The following ACTN1 variants were observed in gnomAD, a reference collection of about 807,000 sequenced individuals.
ACTN1 encodes the protein alpha-actinin-1.
A neutral mutation model predicts 119.6 loss-of-function variants in ACTN1; 30 were observed. The ratio of observed to expected loss-of-function variants is 0.25; its 90% CI spans 0.19 to 0.34. The LOEUF is 0.34. ACTN1 is among the 10% of genes least tolerant of loss of function. The pLI is 1.00. For missense variants in ACTN1, 764 were observed against 1,223.4 expected (o/e 0.62, Z 5.60); for synonymous variants, 429 against 472.6 (o/e 0.91, Z 1.20).
At chr14:68,943,538 C>T (rs72733540) in intron 1 of ACTN1, among the ~76,000 whole-genome samples, 2 of 152,090 alleles carry the variant, frequency 1.3e-5, no homozygotes, top group Non-Finnish European at 2.9e-5. Context: ...CCCCCTCCCC[C>T]CAACCTTGAA....
At chr14:68,956,180 A>C (rs2036345927) in intron 1 of ACTN1, among the ~76,000 whole-genome samples, 1 of 152,152 alleles carries the variant, frequency 6.6e-6, no homozygotes, top group South Asian at 2.1e-4. Flanking sequence ...AAAACAAAAA[A>C]AAAGAGGCTG....
intron 4 of ACTN1, 44 bp downstream of exon 4, chr14:68,912,112 G>A (rs1292039038): frequency 2.5e-6 from 4 of 1,585,474 alleles, no homozygotes; most frequent in Non-Finnish European, 3.5e-6. Context: ...CCCAGGGAGG[G>A]AGACGAGATG....
intron 13 of ACTN1, 38 bp downstream of exon 13, chr14:68,884,737 C>T (rs1594758777): frequency 1.3e-6 from 2 of 1,544,820 alleles, no homozygotes; most frequent in Non-Finnish European, 1.8e-6. Flanking sequence ...CACAGGGCTG[C>T]CGGATATGGG....
At chr14:68,953,983 A>C (rs2140558281) in intron 1 of ACTN1, among the ~76,000 whole-genome samples, 1 of 152,248 alleles carries the variant, frequency 6.6e-6, no homozygotes, top group South Asian at 2.1e-4. Context: ...ATAAAATTTA[A>C]ATACTAATTT....
chr14:68,952,183 G>C (rs79405188), intron 1 of ACTN1, among the ~76,000 whole-genome samples: 1 of 152,202 alleles, frequency 6.6e-6, no homozygotes, highest in Non-Finnish European at 1.5e-5. Context: ...ACCTTCCAGC[G>C]CTGGTAGTCT....
At position 68,880,173 on chromosome 14, in the gene ACTN1, C is replaced by T; in HGVS notation, c.2134-65G>A. On this transcript the variant is annotated intron_variant, in intron 17 of 21. Transcript: ENST00000394419. This position sits in a 1 kb window ranked among gnomAD's most constrained non-coding sequence, Gnocchi z 4.6. ...GGCCTGGGCTCCTGGCGGCCCCTGCCCATCCTACTCCCCAACCATCAAAAT... is the reference window on the plus strand; with the variant it reads ...GGCCTGGGCTCCTGGCGGCCCCTGCTCATCCTACTCCCCAACCATCAAAAT... 1 of 1,567,854 alleles carries T rather than the reference C, an allele frequency of 6.4e-7. No individual in the cohort carries two copies. Among genetic ancestry groups the T allele is most frequent in the Admixed American group, 1.8e-5 (1 of 55,686 alleles).
At position 68,885,603 on chromosome 14, in the gene ACTN1, A is replaced by G; in HGVS notation, c.1235-28T>C. The G allele has an allele frequency of 1.2e-6, 2 of 1,606,596 alleles. No individual in the cohort carries two copies. The highest frequency in any genetic ancestry group is 1.7e-6 in the Non-Finnish European group (2 of 1,178,572). ...GGGTTGAGAGAGGGCCACATGGCTG[A>G]GCTGGAGTGAGAAGCATCTCCTTGG... On this transcript the variant is annotated intron_variant, in intron 11 of 21. Coordinates refer to ENST00000394419, the MANE Select transcript of ACTN1 (RefSeq NM_001130004.2). This position sits in a 1 kb window ranked among gnomAD's most constrained non-coding sequence, Gnocchi z 5.6.
rs530587794 is a variant in ACTN1, at chr14:68,925,478, C to T, written c.220+80G>A. The stretch of plus-strand genomic sequence containing the variant: ...TGTTTCAAGAGACCAAAACCAGCTG[C>T]GCTCATAGGCAGAGCAGATGCCAAG... On this transcript the variant is annotated intron_variant, in intron 2 of 21. Transcript: ENST00000394419. The surrounding 1 kb of genome is among the most constrained non-coding windows in gnomAD (Gnocchi z 4.3). 28 of 1,141,760 alleles carry T rather than the reference C, an allele frequency of 2.5e-5. No individual in the cohort carries two copies. The highest frequency in any genetic ancestry group is 3.3e-5 in the Non-Finnish European group (27 of 808,778). The allele number at this position is 1,141,760 out of a possible 1,614,324, so 70.7% of individuals were successfully genotyped here. A position where few individuals can be genotyped will look rare whatever the true frequency, so the allele number is the denominator to read the frequency against.
At chr14:68,892,400 G>C (rs1594771823) in intron 9 of ACTN1, 117 bp from the exon 10 acceptor site, 1 of 1,027,864 alleles carries the variant, frequency 9.7e-7, no homozygotes, top group Non-Finnish European at 1.4e-6. Flanking sequence ...TCTCCTAATA[G>C]CACACTCCTT....
At position 68,878,673 on chromosome 14, in the gene ACTN1, A is replaced by G. The variant is rs2031171814; in HGVS notation, c.2362-150T>C. On this transcript the variant is annotated intron_variant, in intron 19 of 21. Coordinates refer to ENST00000394419, the MANE Select transcript of ACTN1 (RefSeq NM_001130004.2). This position sits in a 1 kb window ranked among gnomAD's most constrained non-coding sequence, Gnocchi z 4.4. The stretch of plus-strand genomic sequence containing the variant: ...GTCAGGATAGGTAAAGGAACATAGG[A>G]GAAGATGCGAACACACATCGGTGGA... The G allele has an allele frequency of 6.5e-7, 1 of 1,542,150 alleles. No homozygotes were observed. Among genetic ancestry groups the G allele is most frequent in the Non-Finnish European group, 8.7e-7 (1 of 1,147,466 alleles).
chr14:68,937,806 C>T (rs1478616698), intron 1 of ACTN1, among the ~76,000 whole-genome samples: 1 of 152,242 alleles, frequency 6.6e-6, no homozygotes, highest in African/African-American at 2.4e-5. Flanking sequence ...ACCAGCCTCC[C>T]CAGGCAAGCA....
In ACTN1 at chr14:68,979,219, C is replaced by T; in HGVS notation, c.-163G>A. 1 of 475,808 alleles carries T rather than the reference C, an allele frequency of 2.1e-6. No individual in the cohort carries two copies. The highest frequency in any genetic ancestry group is 3.6e-6 in the Non-Finnish European group (1 of 276,774). The allele number at this position is 475,808 out of a possible 1,614,324, so 29.5% of individuals were successfully genotyped here. A position where few individuals can be genotyped will look rare whatever the true frequency, so the allele number is the denominator to read the frequency against. The stretch of plus-strand genomic sequence containing the variant: ...TCCGCCGCGGCGCTGCTGGCGAAGG[C>T]TGCTACTGGCGGCGACAGCGGCGGC... On this transcript the variant is annotated 5_prime_UTR_variant, in exon 1 of 22. Transcript: ENST00000394419.
chr14:68,936,642 C>A, intron 1 of ACTN1: 1 of 615,758 alleles, frequency 1.6e-6, no homozygotes, highest in Admixed American at 2.1e-5. Flanking sequence ...GTGGCAGAGC[C>A]CATGGGGGAA....
intron 1 of ACTN1, chr14:68,977,804 C>CCCCT: frequency 2.7e-6 from 1 of 367,492 alleles, no homozygotes; most frequent in East Asian, 8.0e-5. Context: ...ATCCTGTCCC[C>CCCCT]CCCCCACCCA....
Position 68,874,899 on chromosome 14 carries a change from A to G in ACTN1, c.2705T>C (p.Met902Thr), listed in dbSNP as rs752368324. ...PDSVPGALDY[M>T]SFSTALYGES... The stretch of plus-strand genomic sequence containing the variant: ...GCCGTACAGCGCCGTGGAGAAGGAC[A>G]TGTAGTCCAGAGCACCTGGCACGGA... Residue 902 changes from methionine (M) to threonine (T), a missense_variant, in exon 22 of 22, where the codon ATG (methionine) becomes ACG (threonine). Met to Thr is a moderately conservative substitution (Grantham distance 81, BLOSUM62 -1). Around this residue, in one of 4 missense-constraint regions of ACTN1, gnomAD observed 102 missense variants for 78.2 expected, o/e 1.30. Coordinates refer to ENST00000394419, the MANE Select transcript of ACTN1 (RefSeq NM_001130004.2). 1 of 1,608,464 alleles carries G rather than the reference A, an allele frequency of 6.2e-7. No individual in the cohort carries two copies. Among genetic ancestry groups the G allele is most frequent in the Non-Finnish European group, 8.5e-7 (1 of 1,175,708 alleles).
At chr14:68,974,355 G>A (rs1042175683) in intron 1 of ACTN1, 1 of 152,652 alleles carries the variant, frequency 6.6e-6, no homozygotes, top group Non-Finnish European at 1.5e-5. Flanking sequence ...GCTGGGGCAG[G>A]AGGATCACTT....
At position 68,916,621 on chromosome 14, in the gene ACTN1, G is replaced by A. The variant is rs188105255; in HGVS notation, c.341-4379C>T. Among the ~76,000 whole-genome samples, 140 of 152,246 alleles carry A rather than the reference G, an allele frequency of 9.2e-4. 1 individual carries two copies. Among genetic ancestry groups the A allele is most frequent in the African/African-American group, 3.0e-3 (124 of 41,532 alleles). On this transcript the variant is annotated intron_variant, in intron 3 of 21. Coordinates refer to ENST00000394419, the MANE Select transcript of ACTN1 (RefSeq NM_001130004.2). ...GGCAGGTCCTGTATACCGGGCCTCC[G>A]GCTTCTCAACGTTTGCAGCAGGGGT... is the stretch of plus-strand genomic sequence containing the variant.
chr14:68,979,192 G>T lies in ACTN1; in HGVS notation c.-136C>A. 1 of 516,162 alleles carries T rather than the reference G, an allele frequency of 1.9e-6. No homozygotes were observed. Among genetic ancestry groups the T allele is most frequent in the Non-Finnish European group, 3.3e-6 (1 of 305,928 alleles). 32.0% of individuals were successfully genotyped at this position (516,162 alleles called of 1,614,324 possible). On this transcript the variant is annotated 5_prime_UTR_variant, in exon 1 of 22. Coordinates refer to ENST00000394419, the MANE Select transcript of ACTN1 (RefSeq NM_001130004.2). ...GGCCGGGCTCGCTCCCCTGCGCCCG[G>T]TTCCGCCGCGGCGCTGCTGGCGAAG...
chr14:68,921,246 C>A, intron 2 of ACTN1, 121 bp from the exon 3 acceptor site: 2 of 1,312,894 alleles, frequency 1.5e-6, no homozygotes, highest in Non-Finnish European at 1.0e-6. Flanking sequence ...TGCATGTGTG[C>A]ACGTGTGTGT....
Sources: allele counts gnomAD v4.1 joint callset (sites outside exome capture counted in the v4.1 genomes callset), GRCh38; gene constraint gnomAD v4.1.1; regional missense constraint gnomAD v4.1.1; non-coding constraint Gnocchi (gnomAD v3.1); transcripts MANE v1.5; gene names NCBI Gene and HGNC (gene_info 2026-07-23, HGNC 2026-07-21).